Variants in TMEM132B observed in about 807,000 individuals in gnomAD.
TMEM132B encodes the protein transmembrane protein 132B.
Under a neutral mutation model 90.8 loss-of-function variants are expected in TMEM132B, and 18 were observed. The observed-to-expected ratio is 0.20, with a 90% CI of 0.14 to 0.29. TMEM132B has a LOEUF of 0.29. Ranked by LOEUF, TMEM132B falls within the 10% of genes least tolerant of loss-of-function variation. The probability of loss-of-function intolerance (pLI) is 1.00; values close to 1 mark genes in which losing one functional copy is unlikely to be tolerated. For missense variants in TMEM132B, 1,096 were observed against 1,326.8 expected (o/e 0.83, Z 2.70); for synonymous variants, 504 against 523.3 (o/e 0.96, Z 0.50).
intron 1 of TMEM132B, among the ~76,000 whole-genome samples, chr12:125,235,694 A>G (rs552351569): frequency 4.3e-4 from 65 of 151,346 alleles, no homozygotes; most frequent in Admixed American, 7.9e-4. Flanking sequence ...TGGGTATTTT[A>G]TGTAAATTGA....
chr12:125,232,077 A>C (rs888417803), intron 1 of TMEM132B, among the ~76,000 whole-genome samples: 3 of 152,198 alleles, frequency 2.0e-5, no homozygotes, highest in Non-Finnish European at 4.4e-5. Flanking sequence ...TTACACACTT[A>C]CGCATATATA....
intron 3 of TMEM132B, among the ~76,000 whole-genome samples, chr12:125,514,356 A>T (rs1164760507): frequency 6.6e-6 from 1 of 152,212 alleles, no homozygotes; most frequent in Non-Finnish European, 1.5e-5. Flanking sequence ...CTGTGTCCTC[A>T]TGGAGGTCAT....
chr12:125,636,007 A>G (rs964553910), intron 5 of TMEM132B, among the ~76,000 whole-genome samples: 1 of 152,152 alleles, frequency 6.6e-6, no homozygotes, highest in African/African-American at 2.4e-5. Flanking sequence ...TCTGCAGCAC[A>G]CTGCCACTGC....
intron 5 of TMEM132B, among the ~76,000 whole-genome samples, chr12:125,631,868 A>G (rs1027610528): frequency 2.6e-5 from 4 of 151,460 alleles, no homozygotes; most frequent in Non-Finnish European, 4.4e-5. Context: ...TTCAGTCTAT[A>G]TGTGTCTTTA....
chr12:125,313,099 T>A (rs998346145), intron 1 of TMEM132B, among the ~76,000 whole-genome samples: 8 of 152,132 alleles, frequency 5.3e-5, no homozygotes, highest in Non-Finnish European at 2.9e-5. Flanking sequence ...GCGTACTGAA[T>A]CTGGAATCTT....
rs1887165792 is a variant in TMEM132B at position 125,659,891 on chromosome 12, C to CCAT, written c.*5184_*5186dup. 1 of 152,178 alleles carries CCAT rather than the reference C, an allele frequency of 6.6e-6. No individual in the cohort carries two copies. Among genetic ancestry groups the CCAT allele is most frequent in the Non-Finnish European group, 1.5e-5 (1 of 68,042 alleles). 9.4% of individuals were successfully genotyped at this position (152,178 alleles called of 1,614,324 possible). Reference sequence around the variant, plus strand: ...TGCTCCCAGGTGCAAAACCCCAGCCCCATCAGAATTGCTTCTCAGCACTTT... The same window carrying CCAT: ...TGCTCCCAGGTGCAAAACCCCAGCCCCATCATCAGAATTGCTTCTCAGCACTTT... On this transcript the variant is annotated 3_prime_UTR_variant, in exon 9 of 9. Coordinates refer to ENST00000682704, the MANE Select transcript of TMEM132B (RefSeq NM_001366854.1).
intron 1 of TMEM132B, among the ~76,000 whole-genome samples, chr12:125,234,519 C>T (rs1055095908): frequency 6.6e-6 from 1 of 152,120 alleles, no homozygotes; most frequent in Non-Finnish European, 1.5e-5. Context: ...CATTCTCGGG[C>T]CCCACCTGCC....
rs1873305915 is a variant in TMEM132B at position 125,210,993 on chromosome 12, C to T, written c.67+24127C>T. 2.6e-5 allele frequency among the ~76,000 whole-genome samples: 4 copies of T among 151,950 alleles called. 1 individual carries two copies. The highest frequency in any genetic ancestry group is 2.6e-4 in the Admixed American group (4 of 15,274). On this transcript the variant is annotated intron_variant, in intron 1 of 8. Transcript: ENST00000682704. ...AGAAAGTACAGGAGAATCACTTGTG[C>T]CCAGGTGACAGAGGTTGCAGTGATC... is the stretch of plus-strand genomic sequence containing the variant.
At chr12:125,346,541 C>T (rs181432859) in intron 1 of TMEM132B, among the ~76,000 whole-genome samples, 1 of 152,322 alleles carries the variant, frequency 6.6e-6, no homozygotes, top group East Asian at 1.9e-4. Context: ...AATTTCACTT[C>T]CTGGTTTGGA....
chr12:125,581,716 T>TA (rs2136863504), intron 4 of TMEM132B, among the ~76,000 whole-genome samples: 1 of 149,178 alleles, frequency 6.7e-6, no homozygotes, highest in East Asian at 1.9e-4. Flanking sequence ...CTGTACTGAT[T>TA]TTTTTTTTTT....
chr12:125,576,976 T>G (rs1566079023), intron 4 of TMEM132B, among the ~76,000 whole-genome samples: 1 of 151,678 alleles, frequency 6.6e-6, no homozygotes. Flanking sequence ...CTTTTTTTTT[T>G]TTTAAATTAG....
chr12:125,314,452 G>A (rs1224967102), intron 1 of TMEM132B, among the ~76,000 whole-genome samples: 2 of 152,204 alleles, frequency 1.3e-5, no homozygotes, highest in African/African-American at 4.8e-5. Flanking sequence ...GCGAGGAACA[G>A]GGGAAAAGTG....
chr12:125,566,835 C>CTTTTTTTTTTTT (rs869196346), intron 4 of TMEM132B, among the ~76,000 whole-genome samples: 1 of 78,738 alleles, frequency 1.3e-5, no homozygotes, highest in African/African-American at 6.1e-5. Flanking sequence ...TCTTCTTCTT[C>CTTTTTTTTTTTT]TTTTTTTTTT....
At chr12:125,640,241 G>A (rs968763609) in intron 5 of TMEM132B, among the ~76,000 whole-genome samples, 16 of 152,346 alleles carry the variant, frequency 1.1e-4, no homozygotes, top group African/African-American at 3.4e-4. Flanking sequence ...AAGCAGATGC[G>A]GGTTTAATGA....
At position 125,657,969 on chromosome 12, in the gene TMEM132B, T is replaced by G. The variant is rs887706509; in HGVS notation, c.*3259T>G. On this transcript the variant is annotated 3_prime_UTR_variant, in exon 9 of 9. Coordinates refer to ENST00000682704, the MANE Select transcript of TMEM132B (RefSeq NM_001366854.1). ...AGAAGCAGCTGCCACACCAAAGAAC[T>G]GATGCTTAAACACACAGGTGTGTTG... 6.6e-6 allele frequency: 1 copy of G among 152,214 alleles called. No homozygotes were observed. The highest frequency in any genetic ancestry group is 1.5e-5 in the Non-Finnish European group (1 of 68,068). 9.4% of individuals were successfully genotyped at this position (152,214 alleles called of 1,614,324 possible).
chr12:125,551,997 A>G (rs1056460114), intron 4 of TMEM132B, among the ~76,000 whole-genome samples: 7 of 152,148 alleles, frequency 4.6e-5, no homozygotes, highest in African/African-American at 1.7e-4. Context: ...CGTGTCTCTT[A>G]CCACACCCTC....
intron 4 of TMEM132B, among the ~76,000 whole-genome samples, chr12:125,580,156 G>T (rs1885019590): frequency 6.6e-6 from 1 of 152,068 alleles, no homozygotes; most frequent in Admixed American, 6.5e-5. Flanking sequence ...TCTTTCCTGT[G>T]TATGAGCACA....
chr12:125,198,151 G>C (rs1306117868), intron 1 of TMEM132B, among the ~76,000 whole-genome samples: 2 of 152,200 alleles, frequency 1.3e-5, no homozygotes, highest in Non-Finnish European at 1.5e-5. Context: ...GTGACACCCA[G>C]GCTTATGATA....
chr12:125,309,379 G>A (rs1876070172), intron 1 of TMEM132B, among the ~76,000 whole-genome samples: 1 of 152,080 alleles, frequency 6.6e-6, no homozygotes, highest in African/African-American at 2.4e-5. Context: ...TGGTTATTGT[G>A]GTTACTACTA....
Sources: allele counts gnomAD v4.1 joint callset (sites outside exome capture counted in the v4.1 genomes callset), GRCh38; gene constraint gnomAD v4.1.1; transcripts MANE v1.5; gene names NCBI Gene and HGNC (gene_info 2026-07-23, HGNC 2026-07-21).